The following TMEFF1 variants were observed in gnomAD, a reference collection of about 807,000 sequenced individuals.
TMEFF1 encodes the protein tomoregulin-1.
In TMEFF1, 20 loss-of-function variants were observed where a neutral mutation model predicts 47.5. That is an observed-to-expected ratio of 0.42 (90% CI 0.30 to 0.61). The LOEUF (loss-of-function observed/expected upper bound fraction) is 0.61, where lower values mean the gene tolerates loss of function less well. TMEFF1 is among the 20% of genes least tolerant of loss of function. The pLI is 0.19. For synonymous variants in TMEFF1, 162 were observed against 166.3 expected (o/e 0.97, Z 0.20); for missense variants, 411 against 471.1 (o/e 0.87, Z 1.18).
intron 5 of TMEFF1, among the ~76,000 whole-genome samples, chr9:100,531,741 A>G (rs1298962367): frequency 1.3e-5 from 2 of 152,178 alleles, no homozygotes; most frequent in Non-Finnish European, 2.9e-5. Flanking sequence ...AAACTACTTT[A>G]AAATTCATAT....
chr9:100,476,898 G>A (rs1362085787), intron 1 of TMEFF1, among the ~76,000 whole-genome samples: 2 of 151,544 alleles, frequency 1.3e-5, no homozygotes, highest in Admixed American at 6.6e-5. Flanking sequence ...GGGTTTCATC[G>A]TGTTAGCCAG....
intron 5 of TMEFF1, among the ~76,000 whole-genome samples, chr9:100,535,553 T>C (rs1838486855): frequency 6.6e-6 from 1 of 152,156 alleles, no homozygotes; most frequent in Admixed American, 6.5e-5. Flanking sequence ...GGGGAATCAC[T>C]TGGGGTCAGG....
chr9:100,482,124 A>G (rs535150386), intron 1 of TMEFF1, among the ~76,000 whole-genome samples: 92 of 151,884 alleles, frequency 6.1e-4, no homozygotes, highest in African/African-American at 2.1e-3. Context: ...AGCCATTAAA[A>G]ATCTGGAGGT....
At chr9:100,573,913 CAAAT>C (rs1839299351) in intron 9 of TMEFF1, among the ~76,000 whole-genome samples, 1 of 152,188 alleles carries the variant, frequency 6.6e-6, no homozygotes, top group Non-Finnish European at 1.5e-5. Flanking sequence ...AATCATGTAA[CAAAT>C]AATGATAACA....
chr9:100,567,175 C>T (rs1039019333), intron 8 of TMEFF1, among the ~76,000 whole-genome samples: 1 of 152,214 alleles, frequency 6.6e-6, no homozygotes, highest in Non-Finnish European at 1.5e-5. Flanking sequence ...TCTGCAGCCA[C>T]ACTTGCTGTT....
chr9:100,474,704 G>C (rs1246154147), intron 1 of TMEFF1, among the ~76,000 whole-genome samples: 2 of 152,038 alleles, frequency 1.3e-5, no homozygotes, highest in East Asian at 3.9e-4. Flanking sequence ...GGAAGATGTC[G>C]TGCCTGTGTG....
intron 5 of TMEFF1, among the ~76,000 whole-genome samples, chr9:100,525,918 C>T (rs1838246170): frequency 1.3e-5 from 2 of 150,316 alleles, no homozygotes; most frequent in Admixed American, 6.6e-5. Context: ...TCTCTCTCTC[C>T]TATATAGGGT....
chr9:100,492,973 A>T (rs567941365), intron 1 of TMEFF1, among the ~76,000 whole-genome samples: 1 of 152,174 alleles, frequency 6.6e-6, no homozygotes, highest in Non-Finnish European at 1.5e-5. Context: ...ATTGCCGATT[A>T]TTTGACTAAT....
intron 9 of TMEFF1, among the ~76,000 whole-genome samples, chr9:100,574,676 T>A (rs1260624309): frequency 6.6e-6 from 1 of 152,124 alleles, no homozygotes; most frequent in Non-Finnish European, 1.5e-5. Flanking sequence ...GTGCCATTTT[T>A]AAGAGGATCA....
chr9:100,557,515 G>A (rs10989153), intron 7 of TMEFF1, among the ~76,000 whole-genome samples: 36,872 of 151,940 alleles, frequency 0.24, 5,129 homozygotes, highest in African/African-American at 0.37. Flanking sequence ...CACTCTACCT[G>A]GGTTGCTACT....
In TMEFF1 at chr9:100,473,595, G is replaced by C; in HGVS notation, c.51G>C (p.Pro17=). The change falls in exon 1 of 10, where the codon CCG becomes CCC. Residue 17 remains proline, a synonymous_variant. Coordinates refer to ENST00000374879, the MANE Select transcript of TMEFF1 (RefSeq NM_003692.5). This position sits in a 1 kb window ranked among gnomAD's most constrained non-coding sequence, Gnocchi z 5.4. ...EAPLRLPAAP[P]LAFCCYTSVL... ...CGCTCCGGCTGCCTGCCGCGCCTCC[G>C]CTCGCCTTCTGCTGCTACACGTCGG... 1.3e-6 allele frequency: 2 copies of C among 1,552,528 alleles called. No homozygotes were observed. The highest frequency in any genetic ancestry group is 1.7e-6 in the Non-Finnish European group (2 of 1,150,692).
At chr9:100,481,266 C>A (rs1042583003) in intron 1 of TMEFF1, among the ~76,000 whole-genome samples, 6 of 152,170 alleles carry the variant, frequency 3.9e-5, no homozygotes, top group African/African-American at 1.4e-4. Context: ...TCTATGAAGG[C>A]AGAGATTTTT....
chr9:100,527,923 C>G lies in TMEFF1; in HGVS notation c.560+11152C>G, dbSNP rs944120939. On this transcript the variant is annotated intron_variant, in intron 5 of 9. Transcript: ENST00000374879. Reference sequence around the variant, plus strand: ...ACAGGCAGACTGCCTCCTCAAGTGGCTCCCTGACACCTGACCCCCGAGCAG... The same window carrying G: ...ACAGGCAGACTGCCTCCTCAAGTGGGTCCCTGACACCTGACCCCCGAGCAG... Among the ~76,000 whole-genome samples, 6 of 152,204 alleles carry G rather than the reference C, an allele frequency of 3.9e-5. No homozygotes were observed. In the East Asian group the frequency reaches 9.7e-4, roughly 24 times the overall value.
chr9:100,561,643 G>T, intron 8 of TMEFF1, 123 bp downstream of exon 8: 1 of 1,286,290 alleles, frequency 7.8e-7, no homozygotes, highest in Non-Finnish European at 9.9e-7. Flanking sequence ...CAGTAGACAA[G>T]TAAAAAACAA....
intron 4 of TMEFF1, among the ~76,000 whole-genome samples, chr9:100,516,434 C>T (rs1055091152): frequency 2.6e-5 from 4 of 152,158 alleles, no homozygotes; most frequent in African/African-American, 9.7e-5. Context: ...CTGTGTAGTT[C>T]TGCCTACATA....
intron 5 of TMEFF1, among the ~76,000 whole-genome samples, chr9:100,527,095 A>G (rs1057432353): frequency 2.6e-5 from 4 of 151,776 alleles, no homozygotes; most frequent in Non-Finnish European, 1.5e-5. Flanking sequence ...GTGAGCCAAA[A>G]TCGCGCCACT....
At chr9:100,569,015 T>C (rs1317332169) in intron 8 of TMEFF1, among the ~76,000 whole-genome samples, 1 of 152,192 alleles carries the variant, frequency 6.6e-6, no homozygotes, top group Non-Finnish European at 1.5e-5. Flanking sequence ...TTATGGTTAT[T>C]ATGAAAAATG....
chr9:100,512,676 C>G (rs945925511), intron 3 of TMEFF1, among the ~76,000 whole-genome samples: 4 of 152,148 alleles, frequency 2.6e-5, no homozygotes, highest in Non-Finnish European at 5.9e-5. Context: ...TGGCTTCTTT[C>G]TGGTAACTTT....
chr9:100,543,167 A>T (rs1175526486), intron 5 of TMEFF1, among the ~76,000 whole-genome samples: 3 of 152,086 alleles, frequency 2.0e-5, no homozygotes, highest in Non-Finnish European at 2.9e-5. Flanking sequence ...ACCTCAGGTG[A>T]TTCGCCCACC....
Sources: allele counts gnomAD v4.1 joint callset (sites outside exome capture counted in the v4.1 genomes callset), GRCh38; gene constraint gnomAD v4.1.1; non-coding constraint Gnocchi (gnomAD v3.1); transcripts MANE v1.5; gene names NCBI Gene and HGNC (gene_info 2026-07-23, HGNC 2026-07-21).